NFATC2IP: variants seen among roughly 807,000 people sequenced by gnomAD.
NFATC2IP encodes NFATC2-interacting protein.
A neutral mutation model predicts 40.2 loss-of-function variants in NFATC2IP; 25 were observed. That is an observed-to-expected ratio of 0.62 (90% CI 0.45 to 0.87). The LOEUF (loss-of-function observed/expected upper bound fraction) is 0.87. Ranked by LOEUF, NFATC2IP falls within the 40% of genes least tolerant of loss-of-function variation. The pLI is 0.00. For synonymous variants in NFATC2IP, 241 were observed against 236.3 expected, an observed-to-expected ratio of 1.02 and a Z score of -0.18; for missense variants, 553 against 555.6, an observed-to-expected ratio of 1.00 and a Z score of 0.05.
chr16:28,952,891 C>T (rs977546284), intron 2 of NFATC2IP, among the ~76,000 whole-genome samples: 13 of 152,110 alleles, frequency 8.5e-5, no homozygotes, highest in Middle Eastern at 3.4e-3. Flanking sequence ...ATTCCCACCA[C>T]GCCTGGCTAA....
Position 28,964,175 on chromosome 16 carries a change from A to T in NFATC2IP, c.*312A>T. The T allele has an allele frequency of 6.2e-6, 2 of 321,504 alleles. No individual in the cohort carries two copies. Among genetic ancestry groups the T allele is most frequent in the Non-Finnish European group, 1.2e-5 (2 of 168,780 alleles). 19.9% of individuals were successfully genotyped at this position (321,504 alleles called of 1,614,324 possible). On this transcript the variant is annotated 3_prime_UTR_variant, in exon 8 of 8. Transcript: ENST00000320805. Reference sequence around the variant, plus strand: ...ACCACCATCCTCTTTTCCTCATGGAAATGTCTGCTTTATGAAACTATGCAC... The same window carrying T: ...ACCACCATCCTCTTTTCCTCATGGATATGTCTGCTTTATGAAACTATGCAC...
Position 28,956,338 on chromosome 16 carries a change from G to A in NFATC2IP, c.846+1G>A, listed in dbSNP as rs777156538. 25 of 1,612,194 alleles carry A rather than the reference G, an allele frequency of 1.6e-5. No individual in the cohort carries two copies. Among genetic ancestry groups the A allele is most frequent in the South Asian group, 2.2e-5 (2 of 90,992 alleles). On this transcript the variant is annotated splice_donor_variant, in intron 5 of 7. Transcript: ENST00000320805. LOFTEE classifies it high-confidence loss of function. ...CCTGGTCAGATTGCCCCTCAGGATGGTGAGTGCCTGAGGCCCATGGGAGAA... is the reference window on the plus strand; with the variant it reads ...CCTGGTCAGATTGCCCCTCAGGATGATGAGTGCCTGAGGCCCATGGGAGAA...
At chr16:28,955,490 T>C (rs887093959) in intron 3 of NFATC2IP, among the ~76,000 whole-genome samples, 13 of 152,152 alleles carry the variant, frequency 8.5e-5, no homozygotes, top group African/African-American at 3.1e-4. Context: ...TTCCCTAATA[T>C]TCAGGTCATG....
rs372750091 is a variant in NFATC2IP, at chr16:28,951,056, C to A, written c.45C>A (p.Ser15Arg). 3 of 1,534,682 alleles carry A rather than the reference C, an allele frequency of 2.0e-6. No individual in the cohort carries two copies. The highest frequency in any genetic ancestry group is 1.2e-5 in the South Asian group (1 of 81,992). The change falls in exon 1 of 8, where the codon AGC (serine) becomes AGA (arginine). Residue 15 changes from serine (S) to arginine (R), a missense_variant. Physicochemically the swap from Ser to Arg is moderately radical, Grantham distance 110. Coordinates refer to ENST00000320805, the MANE Select transcript of NFATC2IP (RefSeq NM_032815.4). ...VGKRGRWSGGSGAGRGGRGGW... is the reference protein window; with the variant it reads ...VGKRGRWSGGRGAGRGGRGGW... ...AGCGGGGCCGCTGGTCCGGAGGTAGCGGTGCCGGCCGAGGGGGTCGGGGCG... is the reference window on the plus strand; with the variant it reads ...AGCGGGGCCGCTGGTCCGGAGGTAGAGGTGCCGGCCGAGGGGGTCGGGGCG...
intron 5 of NFATC2IP, chr16:28,957,870 G>C (rs537137894): frequency 7.2e-5 from 11 of 151,840 alleles, no homozygotes; most frequent in Non-Finnish European, 1.3e-4. Context: ...AGTGCCTCAC[G>C]CCTGTAATCC....
chr16:28,956,327 C>G lies in NFATC2IP; in HGVS notation c.836C>G (p.Pro279Arg), dbSNP rs781087982. 11 of 1,613,444 alleles carry G rather than the reference C, an allele frequency of 6.8e-6. No homozygotes were observed. The highest frequency in any genetic ancestry group is 1.3e-5 in the African/African-American group (1 of 74,904). Residue 279 changes from proline (P) to arginine (R), a missense_variant, in exon 5 of 8, where the codon CCC becomes CGC. Coordinates refer to ENST00000320805, the MANE Select transcript of NFATC2IP (RefSeq NM_032815.4). Reference protein sequence around the residue: ...IRCRADLVRLPLRMSEPLQSV... With the variant: ...IRCRADLVRLRLRMSEPLQSV... Reference sequence around the variant, plus strand: ...TGCCGGGCTGACCTGGTCAGATTGCCCCTCAGGATGGTGAGTGCCTGAGGC... The same window carrying G: ...TGCCGGGCTGACCTGGTCAGATTGCGCCTCAGGATGGTGAGTGCCTGAGGC...
intron 7 of NFATC2IP, among the ~76,000 whole-genome samples, chr16:28,959,606 C>T (rs554995405): frequency 3.3e-4 from 46 of 139,082 alleles, no homozygotes; most frequent in Non-Finnish European, 5.3e-4. Context: ...GATAGAGTCT[C>T]GCCCTGTCGC....
intron 7 of NFATC2IP, 74 bp from the exon 8 acceptor site, chr16:28,963,629 AAG>A (rs1965112147): frequency 5.9e-6 from 8 of 1,350,424 alleles, no homozygotes; most frequent in Middle Eastern, 3.8e-4. Flanking sequence ...TCCCTGTCCC[AAG>A]TTCCTCGTCT....
intron 2 of NFATC2IP, among the ~76,000 whole-genome samples, chr16:28,953,869 G>A (rs1285739761): frequency 1.3e-5 from 2 of 151,282 alleles, no homozygotes; most frequent in African/African-American, 4.9e-5. Context: ...AGTGAGCCAT[G>A]ATCATGCCAC....
At chr16:28,963,158 C>T (rs529325774) in intron 7 of NFATC2IP, among the ~76,000 whole-genome samples, 2 of 152,302 alleles carry the variant, frequency 1.3e-5, no homozygotes, top group South Asian at 4.1e-4. Context: ...CATTAGCACT[C>T]GTCCCAATCC....
At chr16:28,960,184 C>T (rs368339098) in intron 7 of NFATC2IP, among the ~76,000 whole-genome samples, 5 of 152,296 alleles carry the variant, frequency 3.3e-5, no homozygotes, top group East Asian at 3.9e-4. Context: ...GCTAGCCCCA[C>T]TCTAACCAAG....
In NFATC2IP at chr16:28,956,308, GCTGAC is replaced by G; in HGVS notation, c.821_825del (p.Asp274GlyfsTer53). On this transcript the variant is annotated frameshift_variant, in exon 5 of 8. Coordinates refer to ENST00000320805, the MANE Select transcript of NFATC2IP (RefSeq NM_032815.4). LOFTEE classifies it high-confidence loss of function. ...CTTCCCACTCAAAATCCGTTGCCGG[GCTGAC>G]CTGGTCAGATTGCCCCTCAGGATGG... 1 of 1,614,080 alleles carries G rather than the reference GCTGAC, an allele frequency of 6.2e-7. No homozygotes were observed. The highest frequency in any genetic ancestry group is 8.5e-7 in the Non-Finnish European group (1 of 1,179,990).
At chr16:28,954,215 T>C (rs1404806103) in intron 2 of NFATC2IP, among the ~76,000 whole-genome samples, 1 of 152,198 alleles carries the variant, frequency 6.6e-6, no homozygotes, top group African/African-American at 2.4e-5. Flanking sequence ...GCCACTGATC[T>C]AGGGTTTCTT....
chr16:28,960,657 G>A (rs1487814194), intron 7 of NFATC2IP, among the ~76,000 whole-genome samples: 1 of 152,154 alleles, frequency 6.6e-6, no homozygotes, highest in East Asian at 1.9e-4. Flanking sequence ...AATTGGGCCA[G>A]GTGCAGTGGC....
chr16:28,954,679 T>G lies in NFATC2IP; in HGVS notation c.575T>G (p.Phe192Cys), dbSNP rs1428879872. 1.2e-6 allele frequency: 2 copies of G among 1,604,684 alleles called. No individual in the cohort carries two copies. Among genetic ancestry groups the G allele is most frequent in the East Asian group, 4.5e-5 (2 of 44,834 alleles). Residue 192 changes from phenylalanine to cysteine, a missense_variant, in exon 3 of 8, where the codon TTT becomes TGT. Phe to Cys is a radical substitution (Grantham distance 205). Coordinates refer to ENST00000320805, the MANE Select transcript of NFATC2IP (RefSeq NM_032815.4). ...AAAGAAGAGAAGAAAAAGACAGAGT[T>G]TCTGTGAGTGAGGCCAGGGCCCTTG... Reference protein sequence around the residue: ...KDKEEKKKTEFLDLDNSPLSP... With the variant: ...KDKEEKKKTECLDLDNSPLSP...
At chr16:28,951,952 G>GGGTA (rs1339610354) in intron 1 of NFATC2IP, among the ~76,000 whole-genome samples, 180 bp from the exon 2 acceptor site, 1 of 152,146 alleles carries the variant, frequency 6.6e-6, no homozygotes, top group East Asian at 1.9e-4. Context: ...AAAGGGTGAA[G>GGGTA]GGTACTTCCA....
rs2015732476 is a variant in NFATC2IP, at chr16:28,966,915, G to A, written c.*3052G>A. 1 of 152,070 alleles carries A rather than the reference G, an allele frequency of 6.6e-6. No individual in the cohort carries two copies. The highest frequency in any genetic ancestry group is 1.5e-5 in the Non-Finnish European group (1 of 68,024). 9.4% of individuals were successfully genotyped at this position (152,070 alleles called of 1,614,324 possible). Reference sequence around the variant, plus strand: ...ATTTGCATGATTCTAATAAAAGTATGTCAACTTCTTAAAATGTTTTATTGA... The same window carrying A: ...ATTTGCATGATTCTAATAAAAGTATATCAACTTCTTAAAATGTTTTATTGA... On this transcript the variant is annotated 3_prime_UTR_variant, in exon 8 of 8. Transcript: ENST00000320805.
chr16:28,956,309 C>T lies in NFATC2IP; in HGVS notation c.818C>T (p.Ala273Val). The T allele has an allele frequency of 1.2e-6, 2 of 1,614,026 alleles. No individual in the cohort carries two copies. Among genetic ancestry groups the T allele is most frequent in the Non-Finnish European group, 1.7e-6 (2 of 1,179,924 alleles). Reference sequence around the variant, plus strand: ...TTCCCACTCAAAATCCGTTGCCGGGCTGACCTGGTCAGATTGCCCCTCAGG... The same window carrying T: ...TTCCCACTCAAAATCCGTTGCCGGGTTGACCTGGTCAGATTGCCCCTCAGG... ...RLFPLKIRCR[A>V]DLVRLPLRMS... Residue 273 changes from alanine to valine, a missense_variant, in exon 5 of 8, where the codon GCT becomes GTT. Coordinates refer to ENST00000320805, the MANE Select transcript of NFATC2IP (RefSeq NM_032815.4).
At chr16:28,957,195 G>C (rs565736595) in intron 5 of NFATC2IP, 11 of 151,864 alleles carry the variant, frequency 7.2e-5, no homozygotes, top group Admixed American at 6.6e-4. Flanking sequence ...CACCATGCCC[G>C]ACTAATTTAT....
Sources: allele counts gnomAD v4.1 joint callset (sites outside exome capture counted in the v4.1 genomes callset), GRCh38; gene constraint gnomAD v4.1.1; transcripts MANE v1.5; gene names NCBI Gene and HGNC (gene_info 2026-07-23, HGNC 2026-07-21).